DTNA: variants seen among roughly 807,000 people sequenced by gnomAD.
DTNA encodes the protein dystrophin-related protein 3.
Under a neutral mutation model 100.7 loss-of-function variants are expected in DTNA, and 43 were observed. That is an observed-to-expected ratio of 0.43 (90% CI 0.33 to 0.55). The LOEUF (loss-of-function observed/expected upper bound fraction) is 0.55. DTNA is among the 20% of genes least tolerant of loss of function. The probability of loss-of-function intolerance (pLI) is 0.04; values close to 1 mark genes in which losing one functional copy is unlikely to be tolerated. For missense variants in DTNA, 798 were observed against 953.9 expected (o/e 0.84, Z 2.15); for synonymous variants, 349 against 347.9 (o/e 1.00, Z -0.04).
chr18:34,497,700 G>GA (rs1415499803), intron 1 of DTNA, among the ~76,000 whole-genome samples: 1 of 150,908 alleles, frequency 6.6e-6, no homozygotes, highest in Non-Finnish European at 1.5e-5. Flanking sequence ...AAAAAAAGTG[G>GA]AAAAAATAGA....
chr18:34,606,632 A>G (rs1316677833), intron 1 of DTNA, among the ~76,000 whole-genome samples: 1 of 152,172 alleles, frequency 6.6e-6, no homozygotes, highest in Non-Finnish European at 1.5e-5. Context: ...AAATTGTAGT[A>G]AGTTATAGAC....
chr18:34,675,849 G>C (rs1159787818), intron 1 of DTNA, among the ~76,000 whole-genome samples: 1 of 149,918 alleles, frequency 6.7e-6, no homozygotes, highest in African/African-American at 2.5e-5. Context: ...ACCATTCTAA[G>C]CATCAGGTGC....
At chr18:34,842,457 T>C (rs2096285733) in intron 13 of DTNA, among the ~76,000 whole-genome samples, 1 of 152,194 alleles carries the variant, frequency 6.6e-6, no homozygotes, top group South Asian at 2.1e-4. Flanking sequence ...CTTTAATAGA[T>C]TCCTATTGGA....
At chr18:34,677,741 T>G (rs2077566218) in intron 1 of DTNA, among the ~76,000 whole-genome samples, 1 of 152,162 alleles carries the variant, frequency 6.6e-6, no homozygotes, top group Non-Finnish European at 1.5e-5. Context: ...GTACTACTGT[T>G]GTAATAATAC....
intron 1 of DTNA, among the ~76,000 whole-genome samples, chr18:34,740,153 T>C (rs148500525): frequency 2.1e-3 from 324 of 152,212 alleles, no homozygotes; most frequent in African/African-American, 7.7e-3. Flanking sequence ...TATAGGACAG[T>C]TTTTTAGTAG....
chr18:34,778,035 G>T (rs781505661), intron 3 of DTNA, among the ~76,000 whole-genome samples: 18 of 152,164 alleles, frequency 1.2e-4, no homozygotes, highest in Non-Finnish European at 2.5e-4. Flanking sequence ...TGACTAGAAG[G>T]CCATGTGACA....
At position 34,665,167 on chromosome 18, in the gene DTNA, T is replaced by G. The variant is rs2075734585; in HGVS notation, c.-1-90809T>G. On this transcript the variant is annotated intron_variant, in intron 1 of 19. Coordinates refer to the DTNA transcript ENST00000283365. ...TTTCCCAGAATTAGATGCTTCTGTC[T>G]TTTTATGATTTCCAGTAAAAGTATC... Among the ~76,000 whole-genome samples the G allele has an allele frequency of 2.6e-5, 4 of 152,080 alleles. No individual in the cohort carries two copies. The South Asian group carries it at 8.3e-4, about 32-fold the overall frequency.
chr18:34,776,082 G>T (rs1456714267), intron 3 of DTNA, among the ~76,000 whole-genome samples: 1 of 152,206 alleles, frequency 6.6e-6, no homozygotes, highest in African/African-American at 2.4e-5. Context: ...GAATAACCCT[G>T]TAGGTTTAGA....
intron 1 of DTNA, among the ~76,000 whole-genome samples, chr18:34,569,263 G>A (rs1293232067): frequency 6.6e-6 from 1 of 152,200 alleles, no homozygotes; most frequent in African/African-American, 2.4e-5. Flanking sequence ...GGTTGCAGAT[G>A]TGAGAGAGGA....
At chr18:34,544,346 C>A (rs1000898305) in intron 1 of DTNA, among the ~76,000 whole-genome samples, 8 of 151,980 alleles carry the variant, frequency 5.3e-5, no homozygotes, top group Admixed American at 5.3e-4. Flanking sequence ...AATAGAAACT[C>A]TTGCTATAGC....
intron 1 of DTNA, 125 bp from the exon 2 acceptor site, chr18:34,755,847 AAAAC>A (rs2092731054): frequency 5.0e-6 from 4 of 804,836 alleles, no homozygotes; most frequent in Middle Eastern, 3.2e-4. Flanking sequence ...TGTACTTTTT[AAAAC>A]AAACAGTTTT....
chr18:34,499,880 T>C (rs1051212623), intron 1 of DTNA, among the ~76,000 whole-genome samples: 8 of 152,220 alleles, frequency 5.3e-5, no homozygotes, highest in African/African-American at 1.4e-4. Flanking sequence ...TTCTAAGATA[T>C]GTGGTTTGCA....
In DTNA at chr18:34,721,574, C is replaced by T. The variant is rs1212229096; in HGVS notation, c.-2+11129C>T. 2.0e-5 allele frequency among the ~76,000 whole-genome samples: 3 copies of T among 152,228 alleles called. No homozygotes were observed. The East Asian group carries it at 5.8e-4, about 29-fold the overall frequency. ...CTTAAGAAAATAATCTAGCTTCTAA[C>T]ATATAAATGAGTAGACTTAAAATAA... On this transcript the variant is annotated intron_variant, in intron 1 of 22. Transcript: ENST00000444659.
chr18:34,664,566 T>C (rs2075641802), intron 1 of DTNA, among the ~76,000 whole-genome samples: 1 of 152,102 alleles, frequency 6.6e-6, no homozygotes, highest in African/African-American at 2.4e-5. Flanking sequence ...TTGTTTCTGC[T>C]ACACCAGCCT....
chr18:34,856,745 GAAATA>G (rs1289620743), intron 15 of DTNA, among the ~76,000 whole-genome samples: 2 of 152,196 alleles, frequency 1.3e-5, no homozygotes, highest in Non-Finnish European at 2.9e-5. Context: ...GTTATAGAAT[GAAATA>G]AAATAACATT....
At chr18:34,783,495 A>T (rs1267065469) in intron 3 of DTNA, among the ~76,000 whole-genome samples, 1 of 152,202 alleles carries the variant, frequency 6.6e-6, no homozygotes, top group Non-Finnish European at 1.5e-5. Flanking sequence ...GCTTCTCTCT[A>T]AGGATCCTTA....
chr18:34,885,522 C>T (rs1187826020), intron 22 of DTNA, among the ~76,000 whole-genome samples: 6 of 152,150 alleles, frequency 3.9e-5, no homozygotes, highest in African/African-American at 1.4e-4. Context: ...ATTTCAAATA[C>T]GGGTTTCACC....
intron 9 of DTNA, among the ~76,000 whole-genome samples, chr18:34,823,373 C>T (rs960362350): frequency 6.6e-6 from 1 of 152,114 alleles, no homozygotes; most frequent in African/African-American, 2.4e-5. Context: ...ACATTCCATA[C>T]CATGTCATTT....
intron 1 of DTNA, chr18:34,683,704 G>A (rs1180835008): frequency 3.9e-5 from 6 of 152,116 alleles, no homozygotes; most frequent in African/African-American, 9.7e-5. Context: ...GGTATGAGGA[G>A]CTTTATGATA....
Sources: allele counts gnomAD v4.1 joint callset (sites outside exome capture counted in the v4.1 genomes callset), GRCh38; gene constraint gnomAD v4.1.1; transcripts MANE v1.5; gene names NCBI Gene and HGNC (gene_info 2026-07-23, HGNC 2026-07-21).